The following ZNF362 variants were observed in gnomAD, a reference collection of about 807,000 sequenced individuals.
ZNF362 encodes rotund homolog.
In ZNF362, 11 loss-of-function variants were observed where a neutral mutation model predicts 42.9. That is an observed-to-expected ratio of 0.26 (90% CI 0.16 to 0.42). The LOEUF is 0.42. Among genes scored for constraint, ZNF362 ranks in the 20% least tolerant of loss-of-function variants. The pLI is 1.00. For synonymous variants in ZNF362, 255 were observed against 257.3 expected, an observed-to-expected ratio of 0.99 and a Z score of 0.09; for missense variants, 362 against 576.2, an observed-to-expected ratio of 0.63 and a Z score of 3.81.
chr1:33,189,681 A>G, the ZNF362 span, among the ~76,000 whole-genome samples: 4 of 39,822 alleles, frequency 1.0e-4, 1 homozygote, highest in African/African-American at 1.5e-4. Flanking sequence ...ATGTATATAT[A>G]TACGTATATA....
chr1:33,218,353 A>G, the ZNF362 span, among the ~76,000 whole-genome samples: 1 of 152,164 alleles, frequency 6.6e-6, no homozygotes. Flanking sequence ...AGGCAGGAGG[A>G]TGACTTGAGC....
At chr1:33,251,234 T>C in the ZNF362 span, among the ~76,000 whole-genome samples, 2,257 of 152,316 alleles carry the variant, frequency 0.015, 61 homozygotes, top group African/African-American at 0.051. Flanking sequence ...TACAATGTAG[T>C]GGAGCCAGCC....
the ZNF362 span, among the ~76,000 whole-genome samples, chr1:33,234,996 TC>T: frequency 6.6e-6 from 1 of 151,996 alleles, no homozygotes; most frequent in Non-Finnish European, 1.5e-5. Context: ...GCTTCCTCAC[TC>T]CCCCTGCAGT....
chr1:33,165,730 C>T, the ZNF362 span: 2 of 497,024 alleles, frequency 4.0e-6, no homozygotes, highest in Non-Finnish European at 7.0e-6. This position sits in a 1 kb window ranked among gnomAD's most constrained non-coding sequence, Gnocchi z 4.0. Flanking sequence ...TAGAGTCTGT[C>T]TCCTAAACAC....
chr1:33,246,865 C>G, the ZNF362 span, among the ~76,000 whole-genome samples: 3 of 152,174 alleles, frequency 2.0e-5, no homozygotes, highest in African/African-American at 7.2e-5. Context: ...AGGGTGGCTG[C>G]CTGGCTCAAG....
chr1:33,140,678 C>T, the ZNF362 span, among the ~76,000 whole-genome samples: 2 of 152,238 alleles, frequency 1.3e-5, no homozygotes, highest in Admixed American at 6.5e-5. The surrounding 1 kb of genome is among the most constrained non-coding windows in gnomAD (Gnocchi z 4.0). Flanking sequence ...CAGCAGCTGC[C>T]TGGGCTGGGC....
chr1:33,296,222 G>T (rs1307712272), intron 8 of ZNF362, among the ~76,000 whole-genome samples: 1 of 152,188 alleles, frequency 6.6e-6, no homozygotes, highest in Non-Finnish European at 1.5e-5. Flanking sequence ...GCCTGCACGT[G>T]GCAGGGCTCT....
At chr1:33,204,220 G>A in the ZNF362 span, among the ~76,000 whole-genome samples, 1 of 152,010 alleles carries the variant, frequency 6.6e-6, no homozygotes, top group Non-Finnish European at 1.5e-5. Flanking sequence ...ACCATCTATT[G>A]AAGAGGCTGT....
the ZNF362 span, among the ~76,000 whole-genome samples, chr1:33,220,848 A>G: frequency 3.9e-5 from 6 of 152,264 alleles, no homozygotes; most frequent in South Asian, 1.2e-3. Context: ...AGGTCACCCT[A>G]TAGCCATGGT....
the ZNF362 span, chr1:33,147,477 G>A: frequency 6.2e-7 from 1 of 1,613,840 alleles, no homozygotes; most frequent in Non-Finnish European, 8.5e-7. The surrounding 1 kb of genome is among the most constrained non-coding windows in gnomAD (Gnocchi z 8.1). Context: ...TCTGGATGCT[G>A]CCCTTGCGGC....
At chr1:33,263,678 TG>T (rs1301998886) in intron 1 of ZNF362, among the ~76,000 whole-genome samples, 6 of 152,194 alleles carry the variant, frequency 3.9e-5, no homozygotes, top group Non-Finnish European at 8.8e-5. Context: ...CCCAAAGTGC[TG>T]GGATTACAGG....
the ZNF362 span, among the ~76,000 whole-genome samples, chr1:33,207,267 A>G: frequency 1.3e-5 from 2 of 152,192 alleles, no homozygotes; most frequent in Admixed American, 1.3e-4. Context: ...ACGTCCCTGC[A>G]AAGGACATGA....
Position 33,294,030 on chromosome 1 carries a change from G to T in ZNF362, c.909-907G>T, listed in dbSNP as rs115176826. 1.9e-4 allele frequency among the ~76,000 whole-genome samples: 29 copies of T among 152,210 alleles called. No homozygotes were observed. In the East Asian group the frequency reaches 4.8e-3, roughly 25 times the overall value. On this transcript the variant is annotated intron_variant, in intron 6 of 8. Coordinates refer to ENST00000539719, the MANE Select transcript of ZNF362 (RefSeq NM_152493.3). This position sits in a 1 kb window ranked among gnomAD's most constrained non-coding sequence, Gnocchi z 4.2. ...TCTACATGTGATTTACTTATTTCACGCTTGTTGCTTATTTCCTCCAGGCAG... is the reference window on the plus strand; with the variant it reads ...TCTACATGTGATTTACTTATTTCACTCTTGTTGCTTATTTCCTCCAGGCAG...
chr1:33,145,388 A>G, the ZNF362 span: 1 of 158,308 alleles, frequency 6.3e-6, no homozygotes, highest in East Asian at 1.9e-4. Context: ...GTCAAAATGA[A>G]TGGAACTGGC....
At chr1:33,276,273 C>A in intron 3 of ZNF362, 75 bp from the exon 4 acceptor site, 3 of 1,561,430 alleles carry the variant, frequency 1.9e-6, no homozygotes, top group South Asian at 1.2e-5. Context: ...GAGGGGCTCG[C>A]GGGTGGACCA....
the ZNF362 span, among the ~76,000 whole-genome samples, chr1:33,226,733 C>T: frequency 2.6e-5 from 4 of 152,198 alleles, no homozygotes; most frequent in South Asian, 2.1e-4. Flanking sequence ...GGCATGGTGG[C>T]GCATGCCTGT....
the ZNF362 span, among the ~76,000 whole-genome samples, chr1:33,216,477 G>A: frequency 7.1e-6 from 1 of 140,520 alleles, no homozygotes; most frequent in Non-Finnish European, 1.5e-5. Context: ...GCAGGCGCCT[G>A]TAATCCCAGC....
the ZNF362 span, among the ~76,000 whole-genome samples, chr1:33,250,890 A>AAGAAGG: frequency 6.0e-5 from 9 of 150,956 alleles, no homozygotes; most frequent in Admixed American, 3.3e-4. Flanking sequence ...GAAGAAGAAG[A>AAGAAGG]AGAAGGAGAA....
the ZNF362 span, among the ~76,000 whole-genome samples, chr1:33,191,810 T>C: frequency 6.6e-6 from 1 of 152,220 alleles, no homozygotes; most frequent in African/African-American, 2.4e-5. Flanking sequence ...ATCCTGTTTC[T>C]TTAAGCAGAG....
Sources: allele counts gnomAD v4.1 joint callset (sites outside exome capture counted in the v4.1 genomes callset), GRCh38; gene constraint gnomAD v4.1.1; non-coding constraint Gnocchi (gnomAD v3.1); transcripts MANE v1.5; gene names NCBI Gene and HGNC (gene_info 2026-07-23, HGNC 2026-07-21).